PRKG1: variants seen among roughly 807,000 people sequenced by gnomAD.
The protein encoded by PRKG1 is protein kinase cGMP-dependent 1, also known as cGMP-dependent protein kinase 1.
A neutral mutation model predicts 88.1 loss-of-function variants in PRKG1; 35 were observed. The observed-to-expected ratio is 0.40, with a 90% CI of 0.30 to 0.53. The LOEUF is 0.53. PRKG1 is among the 20% of genes least tolerant of loss of function. The pLI, the probability that PRKG1 is intolerant of heterozygous loss-of-function variation, is 0.59. For synonymous variants in PRKG1, 303 were observed against 292.5 expected, an observed-to-expected ratio of 1.04 and a Z score of -0.37; for missense variants, 540 against 839.8, an observed-to-expected ratio of 0.64 and a Z score of 4.41.
chr10:51,817,803 G>T lies in PRKG1; in HGVS notation c.698+13113G>T, dbSNP rs577576735. ...AGTTATTGACTTGTTTTCAGTTAAT[G>T]AATATTATTCTAAATGACATTAACT... On this transcript the variant is annotated intron_variant, in intron 4 of 17. Transcript: ENST00000373980. Among the ~76,000 whole-genome samples the T allele has an allele frequency of 8.4e-4, 128 of 152,234 alleles. 5 individuals carry two copies. In the South Asian group the frequency reaches 0.026, roughly 30 times the overall value.
chr10:52,202,336 A>C (rs1257560137), intron 9 of PRKG1, among the ~76,000 whole-genome samples: 3 of 152,156 alleles, frequency 2.0e-5, no homozygotes, highest in Non-Finnish European at 4.4e-5. Flanking sequence ...CACTTATGTG[A>C]TGAATCACAT....
intron 1 of PRKG1, among the ~76,000 whole-genome samples, chr10:51,101,672 A>T (rs1293895354): frequency 2.0e-5 from 3 of 152,220 alleles, no homozygotes; most frequent in Non-Finnish European, 4.4e-5. Flanking sequence ...GCTCAATTCT[A>T]TAAGGATAAA....
intron 2 of PRKG1, among the ~76,000 whole-genome samples, chr10:51,324,720 G>C (rs1443528278): frequency 6.6e-6 from 1 of 152,134 alleles, no homozygotes; most frequent in Admixed American, 6.5e-5. Context: ...CAGCCTGGGC[G>C]ACTGAGCGAG....
chr10:51,413,641 G>A (rs1211397229), intron 2 of PRKG1, among the ~76,000 whole-genome samples: 3 of 152,104 alleles, frequency 2.0e-5, no homozygotes, highest in African/African-American at 7.2e-5. Flanking sequence ...TTACAGGTGT[G>A]AGCCACTGCG....
chr10:51,884,218 G>A (rs1435061952), intron 4 of PRKG1, among the ~76,000 whole-genome samples: 8 of 150,644 alleles, frequency 5.3e-5, no homozygotes, highest in African/African-American at 1.2e-4. Flanking sequence ...AGGCCGAGAC[G>A]GGCAGATCAC....
intron 4 of PRKG1, 138 bp from the exon 5 acceptor site, chr10:51,907,369 C>G: frequency 1.6e-6 from 1 of 639,706 alleles, no homozygotes; most frequent in Non-Finnish European, 2.6e-6. Flanking sequence ...GGTTGTGTGG[C>G]TAATGCATTT....
intron 4 of PRKG1, among the ~76,000 whole-genome samples, chr10:51,853,338 A>G (rs1840603661): frequency 6.6e-6 from 1 of 152,202 alleles, no homozygotes; most frequent in Non-Finnish European, 1.5e-5. Context: ...CAAAATTACA[A>G]AGACATATCC....
intron 7 of PRKG1, among the ~76,000 whole-genome samples, chr10:52,112,953 C>G (rs1002912745): frequency 2.6e-5 from 4 of 152,064 alleles, no homozygotes; most frequent in African/African-American, 9.7e-5. Flanking sequence ...TTTGTGGTAC[C>G]TCGAGTAAGA....
intron 4 of PRKG1, among the ~76,000 whole-genome samples, chr10:51,858,021 C>T (rs965875314): frequency 7.1e-6 from 1 of 140,376 alleles, no homozygotes; most frequent in African/African-American, 2.7e-5. Context: ...TCTTTAAAGG[C>T]AGGAAAATCC....
intron 4 of PRKG1, among the ~76,000 whole-genome samples, chr10:51,814,035 A>G (rs1172574587): frequency 6.6e-6 from 1 of 152,178 alleles, no homozygotes; most frequent in Non-Finnish European, 1.5e-5. Context: ...CAAATATTAA[A>G]TGACTTACAA....
At chr10:51,152,218 C>T (rs1186060341) in intron 1 of PRKG1, among the ~76,000 whole-genome samples, 1 of 152,048 alleles carries the variant, frequency 6.6e-6, no homozygotes, top group Admixed American at 6.6e-5. Context: ...AAAACTTTCT[C>T]GTTAACCACT....
At chr10:51,711,899 T>C (rs1173075246) in intron 3 of PRKG1, among the ~76,000 whole-genome samples, 1 of 152,192 alleles carries the variant, frequency 6.6e-6, no homozygotes, top group Non-Finnish European at 1.5e-5. Context: ...CTTTTCTTCT[T>C]TTCTCTTTAA....
At chr10:52,025,923 C>T (rs1189212977) in intron 5 of PRKG1, among the ~76,000 whole-genome samples, 1 of 151,558 alleles carries the variant, frequency 6.6e-6, no homozygotes, top group African/African-American at 2.4e-5. Flanking sequence ...AACTATACTA[C>T]AAGGCTACAG....
At chr10:51,510,305 AT>A (rs1392589026) in intron 3 of PRKG1, among the ~76,000 whole-genome samples, 4 of 152,188 alleles carry the variant, frequency 2.6e-5, no homozygotes, top group Non-Finnish European at 5.9e-5. Flanking sequence ...TTAAATATGT[AT>A]AACTTCATAT....
intron 2 of PRKG1, among the ~76,000 whole-genome samples, chr10:51,370,978 T>C (rs1842694159): frequency 6.6e-6 from 1 of 152,148 alleles, no homozygotes; most frequent in East Asian, 1.9e-4. Context: ...AAACTTTGTG[T>C]GCCCTACACC....
chr10:51,760,606 G>A (rs1837995341), intron 3 of PRKG1, among the ~76,000 whole-genome samples: 1 of 151,744 alleles, frequency 6.6e-6, no homozygotes, highest in Non-Finnish European at 1.5e-5. Flanking sequence ...CAAGTAGCTG[G>A]GATTACAGGC....
intron 1 of PRKG1, among the ~76,000 whole-genome samples, chr10:51,113,969 G>A (rs968403458): frequency 5.3e-5 from 8 of 151,428 alleles, no homozygotes; most frequent in Non-Finnish European, 1.2e-4. Flanking sequence ...GTGTGTGTGT[G>A]TGTGTGTGTG....
chr10:51,967,028 A>T (rs902456157), intron 5 of PRKG1, among the ~76,000 whole-genome samples: 3 of 152,174 alleles, frequency 2.0e-5, no homozygotes, highest in African/African-American at 7.2e-5. Flanking sequence ...TAGAACTAGA[A>T]ATACCATTTG....
chr10:51,980,705 T>A (rs1024319960), intron 5 of PRKG1, among the ~76,000 whole-genome samples: 1 of 152,240 alleles, frequency 6.6e-6, no homozygotes, highest in African/African-American at 2.4e-5. Context: ...TTAGGTCTTC[T>A]TGTTGAATTG....
Sources: gnomAD v4.1 joint callset for allele counts (sites outside exome capture counted in the v4.1 genomes callset) on GRCh38, gnomAD v4.1.1 for gene constraint, MANE v1.5 for transcripts, NCBI Gene and HGNC (gene_info 2026-07-23, HGNC 2026-07-21) for gene names.